The following ST8SIA1 variants were observed in gnomAD, a reference collection of about 807,000 sequenced individuals.
ST8SIA1 encodes ST8 alpha-N-acetyl-neuraminide alpha-2,8-sialyltransferase 1.
In ST8SIA1, 16 loss-of-function variants were observed where a neutral mutation model predicts 35.9. The ratio of observed to expected loss-of-function variants is 0.45; its 90% CI spans 0.30 to 0.68. The LOEUF is 0.68. Among genes scored for constraint, ST8SIA1 ranks in the 30% least tolerant of loss-of-function variants. The pLI is 0.09. For synonymous variants in ST8SIA1, 170 were observed against 169.6 expected, an observed-to-expected ratio of 1.00 and a Z score of -0.02; for missense variants, 383 against 453.6, an observed-to-expected ratio of 0.84 and a Z score of 1.41.
At chr12:22,306,172 T>C (rs1267190728) in intron 1 of ST8SIA1, among the ~76,000 whole-genome samples, 1 of 152,138 alleles carries the variant, frequency 6.6e-6, no homozygotes, top group Admixed American at 6.5e-5. Context: ...ATCTTACATA[T>C]GTTGATTGAT....
At chr12:22,295,315 T>C (rs773207997) in intron 1 of ST8SIA1, among the ~76,000 whole-genome samples, 2 of 152,168 alleles carry the variant, frequency 1.3e-5, no homozygotes, top group Non-Finnish European at 2.9e-5. Flanking sequence ...GGGTCCTGGC[T>C]GGGTCTGAGA....
intron 1 of ST8SIA1, among the ~76,000 whole-genome samples, chr12:22,299,276 C>T (rs12309948): frequency 0.018 from 2,659 of 151,914 alleles, 61 homozygotes; most frequent in African/African-American, 0.061. Flanking sequence ...GCTTATTTAA[C>T]TGTTGTATAT....
intron 2 of ST8SIA1, among the ~76,000 whole-genome samples, chr12:22,273,590 T>C (rs1055317188): frequency 1.3e-5 from 2 of 152,040 alleles, no homozygotes; most frequent in Admixed American, 1.3e-4. Context: ...AGCAAAAAAA[T>C]CCCTCATCAT....
chr12:22,264,758 A>G (rs1051123362), intron 2 of ST8SIA1, among the ~76,000 whole-genome samples: 3 of 152,204 alleles, frequency 2.0e-5, no homozygotes, highest in African/African-American at 4.8e-5. Context: ...CTACCACTCA[A>G]GGACTTTTAA....
chr12:22,254,708 T>C (rs1865709623), intron 3 of ST8SIA1, among the ~76,000 whole-genome samples: 1 of 152,114 alleles, frequency 6.6e-6, no homozygotes, highest in Non-Finnish European at 1.5e-5. Context: ...CGCAGGGGCC[T>C]CCTGTTTTTC....
intron 2 of ST8SIA1, among the ~76,000 whole-genome samples, chr12:22,261,505 A>T (rs1865791506): frequency 6.6e-6 from 1 of 152,158 alleles, no homozygotes; most frequent in Admixed American, 6.5e-5. Flanking sequence ...CATTGCAGGT[A>T]TCATATCTTT....
rs112431815 is a variant in ST8SIA1, at chr12:22,327,609, G to C, written c.236+6388C>G. ...AAGGGTGAAACCAGAGAAAAAGAAG[G>C]ATGTGGCCCCTTAAAGTATAGGGCA... is the stretch of plus-strand genomic sequence containing the variant. On this transcript the variant is annotated intron_variant, in intron 1 of 4. Transcript: ENST00000396037. Among the ~76,000 whole-genome samples, 33 of 152,282 alleles carry C rather than the reference G, an allele frequency of 2.2e-4. 1 individual carries two copies. The highest frequency in any genetic ancestry group is 7.7e-4 in the African/African-American group (32 of 41,558).
At chr12:22,311,901 C>T (rs982928016) in intron 1 of ST8SIA1, among the ~76,000 whole-genome samples, 4 of 152,150 alleles carry the variant, frequency 2.6e-5, no homozygotes, top group African/African-American at 4.8e-5. Context: ...GAAATTTAGG[C>T]TTCATCCCAT....
chr12:22,240,648 G>A (rs567421877), intron 4 of ST8SIA1, among the ~76,000 whole-genome samples: 1 of 152,196 alleles, frequency 6.6e-6, no homozygotes, highest in African/African-American at 2.4e-5. Context: ...ATAAATTGCT[G>A]TAATCTTGGA....
At chr12:22,312,667 A>G (rs1866465019) in intron 1 of ST8SIA1, among the ~76,000 whole-genome samples, 1 of 151,050 alleles carries the variant, frequency 6.6e-6, no homozygotes, top group African/African-American at 2.4e-5. Flanking sequence ...GCAAAAGCAG[A>G]TTGTTTGTAT....
intron 1 of ST8SIA1, among the ~76,000 whole-genome samples, chr12:22,320,967 GAAA>G (rs1565595866): frequency 0.018 from 1,408 of 77,054 alleles, 26 homozygotes; most frequent in African/African-American, 0.08. Flanking sequence ...GAGAAAGAAA[GAAA>G]GAAAGAAAGA....
chr12:22,273,995 A>T (rs1347454081), intron 2 of ST8SIA1, among the ~76,000 whole-genome samples: 7 of 152,202 alleles, frequency 4.6e-5, no homozygotes, highest in Non-Finnish European at 1.0e-4. Context: ...ATGGTTCTCA[A>T]ACAAGATGTA....
chr12:22,300,545 G>C (rs997027257), intron 1 of ST8SIA1, among the ~76,000 whole-genome samples: 1 of 152,090 alleles, frequency 6.6e-6, no homozygotes, highest in Admixed American at 6.6e-5. Context: ...TATATCTCAT[G>C]GTCAAGATTA....
At chr12:22,250,982 A>G (rs1338557236) in intron 3 of ST8SIA1, among the ~76,000 whole-genome samples, 1 of 152,086 alleles carries the variant, frequency 6.6e-6, no homozygotes, top group African/African-American at 2.4e-5. Context: ...TGGTTGCCCC[A>G]TATCCCATGT....
chr12:22,203,424 C>T (rs1049618262), intron 4 of ST8SIA1, among the ~76,000 whole-genome samples: 4 of 152,156 alleles, frequency 2.6e-5, no homozygotes, highest in South Asian at 2.1e-4. Flanking sequence ...GTTCTGAATA[C>T]ACAAATCCAC....
intron 2 of ST8SIA1, among the ~76,000 whole-genome samples, chr12:22,260,407 G>A (rs569722090): frequency 8.5e-5 from 13 of 152,156 alleles, no homozygotes; most frequent in African/African-American, 3.1e-4. Context: ...CAGTCTGCTC[G>A]CCTCAGCGTC....
At chr12:22,213,602 G>A (rs1865199475) in intron 4 of ST8SIA1, among the ~76,000 whole-genome samples, 1 of 152,190 alleles carries the variant, frequency 6.6e-6, no homozygotes, top group Non-Finnish European at 1.5e-5. Context: ...AGGGCATGTG[G>A]TAAGAGCAGG....
chr12:22,241,720 C>A (rs1865543515), intron 4 of ST8SIA1, among the ~76,000 whole-genome samples: 1 of 150,174 alleles, frequency 6.7e-6, no homozygotes, highest in African/African-American at 2.5e-5. Flanking sequence ...AGGATTCCCT[C>A]AAATTTATAA....
intron 4 of ST8SIA1, among the ~76,000 whole-genome samples, chr12:22,233,814 T>C (rs1042443307): frequency 1.3e-5 from 2 of 152,238 alleles, no homozygotes; most frequent in Non-Finnish European, 2.9e-5. Context: ...GTATCAGTTC[T>C]ATGTGCCTCA....
Sources: gnomAD v4.1 joint callset for allele counts (sites outside exome capture counted in the v4.1 genomes callset) on GRCh38, gnomAD v4.1.1 for gene constraint, MANE v1.5 for transcripts, NCBI Gene and HGNC (gene_info 2026-07-23, HGNC 2026-07-21) for gene names.